CDO1: variants seen among roughly 807,000 people sequenced by gnomAD.
CDO1 encodes the protein cysteine dioxygenase type 1, also known as cysteine dioxygenase, type I.
Under a neutral mutation model 24.5 loss-of-function variants are expected in CDO1, and 19 were observed. The ratio of observed to expected loss-of-function variants is 0.77; its 90% confidence interval spans 0.54 to 1.14. CDO1 has a LOEUF of 1.14. CDO1 is among the 50% of genes most tolerant of loss of function. The pLI is 0.00. For missense variants in CDO1, 244 were observed against 244.8 expected, an observed-to-expected ratio of 1.00 and a Z score of 0.02; for synonymous variants, 91 against 87.0, an observed-to-expected ratio of 1.05 and a Z score of -0.26.
chr5:115,806,702 G>A (rs1759963549), intron 3 of CDO1, among the ~76,000 whole-genome samples, 184 bp from the exon 4 acceptor site: 1 of 152,072 alleles, frequency 6.6e-6, no homozygotes, highest in Admixed American at 6.5e-5. Context: ...GCTCCTTCCT[G>A]AAAACCCTCT....
chr5:115,811,362 T>C, intron 2 of CDO1, 47 bp from the exon 3 acceptor site: 1 of 1,423,632 alleles, frequency 7.0e-7, no homozygotes, highest in Non-Finnish European at 9.8e-7. Context: ...TGGTCTAGTA[T>C]CCAGACCTGC....
At chr5:115,807,641 A>C (rs1398580897) in intron 3 of CDO1, among the ~76,000 whole-genome samples, 1 of 152,078 alleles carries the variant, frequency 6.6e-6, no homozygotes, top group African/African-American at 2.4e-5. Flanking sequence ...AGACTCAAAG[A>C]ACAAAAGGAC....
At chr5:115,811,375 T>G in intron 2 of CDO1, 60 bp from the exon 3 acceptor site, 4 of 1,281,058 alleles carry the variant, frequency 3.1e-6, no homozygotes, top group Non-Finnish European at 4.5e-6. Flanking sequence ...AGACCTGCAG[T>G]AACAGTCTTC....
chr5:115,812,594 C>A (rs1760236203), intron 2 of CDO1, among the ~76,000 whole-genome samples: 2 of 152,184 alleles, frequency 1.3e-5, no homozygotes, highest in Non-Finnish European at 2.9e-5. Flanking sequence ...TTTTACTGCA[C>A]AGAAAACAGA....
Position 115,805,166 on chromosome 5 carries a change from G to A in CDO1, c.*267C>T. The A allele has an allele frequency of 1.1e-5, 4 of 374,774 alleles. No individual in the cohort carries two copies. Among genetic ancestry groups the A allele is most frequent in the Non-Finnish European group, 1.9e-5 (4 of 210,898 alleles). 23.2% of individuals were successfully genotyped at this position (374,774 alleles called of 1,614,324 possible). A position where few individuals can be genotyped will look rare whatever the true frequency, so the allele number is the denominator to read the frequency against. On this transcript the variant is annotated 3_prime_UTR_variant, in exon 5 of 5. Transcript: ENST00000250535. ...CTGACGCTCCTAGTATGGATTTAAT[G>A]GAATTAGAGGATAGAACTATGAGAG...
intron 1 of CDO1, 130 bp from the exon 2 acceptor site, chr5:115,813,388 C>T: frequency 5.4e-6 from 3 of 556,740 alleles, no homozygotes; most frequent in Non-Finnish European, 6.5e-6. Context: ...ACTTTGAATG[C>T]AGTTTTCTAA....
chr5:115,816,104 A>G (rs2112699126), intron 1 of CDO1, 124 bp downstream of exon 1: 9 of 556,016 alleles, frequency 1.6e-5, no homozygotes, highest in South Asian at 1.9e-5. Flanking sequence ...CGAGGGGGCG[A>G]GCGGCGGACG....
Position 115,816,463 on chromosome 5 carries a change from A to G in CDO1, c.-66T>C. ...TGCGGTGGAGGAGCTGAGCGAGCCA[A>G]GGAGCTGGGGGCGAGGGAGCCTAAC... On this transcript the variant is annotated 5_prime_UTR_variant, in exon 1 of 5. Transcript: ENST00000250535. 6.3e-7 allele frequency: 1 copy of G among 1,577,920 alleles called. No individual in the cohort carries two copies. The highest frequency in any genetic ancestry group is 8.6e-7 in the Non-Finnish European group (1 of 1,159,968).
intron 1 of CDO1, chr5:115,814,263 T>A (rs1760327929): frequency 6.6e-6 from 1 of 152,188 alleles, no homozygotes; most frequent in Admixed American, 6.5e-5. Context: ...CTTTATGACC[T>A]AACAAGAAGC....
intron 3 of CDO1, among the ~76,000 whole-genome samples, chr5:115,807,114 C>T (rs921029000): frequency 1.3e-5 from 2 of 151,992 alleles, no homozygotes; most frequent in African/African-American, 4.8e-5. Context: ...AGGTGAAAAA[C>T]AGGTGAATTA....
intron 3 of CDO1, among the ~76,000 whole-genome samples, chr5:115,810,867 G>C (rs1760158396): frequency 6.6e-6 from 1 of 152,104 alleles, no homozygotes; most frequent in Non-Finnish European, 1.5e-5. Flanking sequence ...GATCTCTTTT[G>C]TTGAAAGACT....
At chr5:115,805,611 C>T (rs1759914513) in intron 4 of CDO1, 149 bp from the exon 5 acceptor site, 1 of 679,042 alleles carries the variant, frequency 1.5e-6, no homozygotes, top group Non-Finnish European at 2.5e-6. Context: ...AAGAATATCT[C>T]TTAGGGTTTG....
chr5:115,808,262 A>T (rs1417935056), intron 3 of CDO1, among the ~76,000 whole-genome samples: 1 of 152,148 alleles, frequency 6.6e-6, no homozygotes, highest in African/African-American at 2.4e-5. Flanking sequence ...TACAGGTGTG[A>T]GTCACCACAC....
chr5:115,807,382 G>A (rs1031550937), intron 3 of CDO1, among the ~76,000 whole-genome samples: 2 of 152,116 alleles, frequency 1.3e-5, no homozygotes, highest in South Asian at 2.1e-4. Flanking sequence ...TAATTTTTTT[G>A]TTCTTGGTTT....
At chr5:115,807,652 A>G (rs1220126037) in intron 3 of CDO1, among the ~76,000 whole-genome samples, 1 of 152,082 alleles carries the variant, frequency 6.6e-6, no homozygotes, top group Admixed American at 6.5e-5. Context: ...ACAAAAGGAC[A>G]AAGACAGAAA....
At chr5:115,811,109 CA>C (rs1368974836) in intron 3 of CDO1, 51 bp downstream of exon 3, 1 of 1,527,984 alleles carries the variant, frequency 6.5e-7, no homozygotes, top group Non-Finnish European at 8.9e-7. Flanking sequence ...ATATTTCAGA[CA>C]AAAGGTCATG....
rs755621799 is a variant in CDO1 at position 115,816,363 on chromosome 5, A to G, written c.35T>C (p.Leu12Pro). 3.7e-6 allele frequency: 6 copies of G among 1,613,702 alleles called. No homozygotes were observed. The South Asian group carries it at 6.6e-5, about 18-fold the overall frequency. Reference sequence around the variant, plus strand: ...GTGCAGGATGCGGATCAGATCAGCCAGGGTCCGTGGCTTCAGCACTTCGGT... The same window carrying G: ...GTGCAGGATGCGGATCAGATCAGCCGGGGTCCGTGGCTTCAGCACTTCGGT... ...EQTEVLKPRT[L>P]ADLIRILHQL... The change falls in exon 1 of 5, where the codon CTG becomes CCG. Residue 12 changes from leucine to proline, a missense_variant. Leu to Pro is a moderately conservative substitution (Grantham distance 98, BLOSUM62 -3). Coordinates refer to ENST00000250535, the MANE Select transcript of CDO1 (RefSeq NM_001801.3).
intron 1 of CDO1, 45 bp downstream of exon 1, chr5:115,816,183 G>T (rs150634620): frequency 1.9e-6 from 3 of 1,583,774 alleles, no homozygotes; most frequent in Non-Finnish European, 2.6e-6. Context: ...CTCCTCAGAC[G>T]GGGCGAGTGG....
intron 2 of CDO1, 130 bp from the exon 3 acceptor site, chr5:115,811,445 C>T: frequency 1.6e-6 from 1 of 617,380 alleles, no homozygotes; most frequent in Non-Finnish European, 2.8e-6. Context: ...TCCATTTCAG[C>T]TGAATTTTTA....
Sources: gnomAD v4.1 joint callset for allele counts (sites outside exome capture counted in the v4.1 genomes callset) on GRCh38, gnomAD v4.1.1 for gene constraint, MANE v1.5 for transcripts, NCBI Gene and HGNC (gene_info 2026-07-23, HGNC 2026-07-21) for gene names.